The following KHDRBS2 variants were observed in gnomAD, a reference collection of about 807,000 sequenced individuals.
KHDRBS2 encodes the protein KH domain-containing, RNA-binding, signal transduction-associated protein 2.
In KHDRBS2, 26 loss-of-function variants were observed where a neutral mutation model predicts 44.3. The ratio of observed to expected loss-of-function variants is 0.59; its 90% CI spans 0.43 to 0.81. The LOEUF is 0.81. Among genes scored for constraint, KHDRBS2 ranks in the 40% least tolerant of loss-of-function variants. KHDRBS2 has a pLI of 0.00. For synonymous variants in KHDRBS2, 194 were observed against 151.1 expected, an observed-to-expected ratio of 1.28 and a Z score of -2.08; for missense variants, 476 against 433.1, an observed-to-expected ratio of 1.10 and a Z score of -0.88.
intron 2 of KHDRBS2, among the ~76,000 whole-genome samples, chr6:62,069,029 A>G (rs1794393193): frequency 6.6e-6 from 1 of 151,654 alleles, no homozygotes; most frequent in Admixed American, 6.6e-5. Context: ...GAAAAAAGAT[A>G]CTAGGGATTT....
chr6:61,597,771 T>TATATATATATATATATATATATAG, the KHDRBS2 span, among the ~76,000 whole-genome samples: 1 of 28,594 alleles, frequency 3.5e-5, no homozygotes, highest in African/African-American at 1.3e-4. Context: ...TATATATATA[T>TATATATATATATATATATATATAG]ATACACCAAG....
chr6:61,577,538 A>G, the KHDRBS2 span, among the ~76,000 whole-genome samples: 93,582 of 151,954 alleles, frequency 0.62, 29,043 homozygotes, highest in Middle Eastern at 0.65. Context: ...GTTGCTTAGA[A>G]GACTTTGAAC....
At chr6:62,239,966 T>A (rs1165928816) in intron 1 of KHDRBS2, among the ~76,000 whole-genome samples, 1 of 152,174 alleles carries the variant, frequency 6.6e-6, no homozygotes, top group Non-Finnish European at 1.5e-5. Context: ...ATTACAGGCA[T>A]GAGCCACAGT....
chr6:61,638,708 A>T, the KHDRBS2 span, among the ~76,000 whole-genome samples: 1 of 152,158 alleles, frequency 6.6e-6, no homozygotes, highest in Non-Finnish European at 1.5e-5. Flanking sequence ...AATTAGCATT[A>T]TTCTGGTAAA....
intron 2 of KHDRBS2, among the ~76,000 whole-genome samples, chr6:62,109,173 G>T (rs1177517940): frequency 2.0e-5 from 3 of 151,216 alleles, no homozygotes; most frequent in African/African-American, 7.3e-5. Flanking sequence ...ATGCAAAGTT[G>T]TTTACAATTT....
intron 5 of KHDRBS2, among the ~76,000 whole-genome samples, chr6:61,900,745 T>A (rs191938444): frequency 6.6e-6 from 1 of 152,204 alleles, no homozygotes; most frequent in South Asian, 2.1e-4. Flanking sequence ...ATCTATCTAC[T>A]TCCTTATCTG....
chr6:61,813,642 TA>T (rs1366061704), intron 6 of KHDRBS2, among the ~76,000 whole-genome samples: 1 of 152,196 alleles, frequency 6.6e-6, no homozygotes, highest in African/African-American at 2.4e-5. Context: ...TTCTGTTTTA[TA>T]AATTATAGTA....
chr6:61,568,215 C>T, the KHDRBS2 span, among the ~76,000 whole-genome samples: 1,509 of 152,150 alleles, frequency 9.9e-3, 20 homozygotes, highest in African/African-American at 0.034. Context: ...GTTTTTATGC[C>T]AGTACTTTGT....
intron 6 of KHDRBS2, among the ~76,000 whole-genome samples, chr6:61,778,185 A>T (rs1445790660): frequency 6.6e-6 from 1 of 152,190 alleles, no homozygotes; most frequent in Non-Finnish European, 1.5e-5. Context: ...ACAATGAGCA[A>T]ATACTAAAAT....
chr6:62,240,672 GTATA>G (rs4036655), intron 1 of KHDRBS2, among the ~76,000 whole-genome samples: 8,463 of 63,816 alleles, frequency 0.13, 577 homozygotes, highest in East Asian at 0.31. Flanking sequence ...ATGTGTGTGT[GTATA>G]TATATATATA....
intron 2 of KHDRBS2, among the ~76,000 whole-genome samples, chr6:62,071,779 C>T (rs1288220473): frequency 3.3e-5 from 5 of 152,292 alleles, no homozygotes; most frequent in South Asian, 4.1e-4. Flanking sequence ...TAGCGTGATG[C>T]CTCCAGCTTT....
chr6:61,790,990 G>A (rs981733524), intron 6 of KHDRBS2, among the ~76,000 whole-genome samples: 1 of 151,186 alleles, frequency 6.6e-6, no homozygotes, highest in Non-Finnish European at 1.5e-5. Context: ...AGCCAATTTT[G>A]TCATGTTATA....
intron 2 of KHDRBS2, among the ~76,000 whole-genome samples, chr6:62,137,931 T>C (rs1339400033): frequency 1.3e-5 from 2 of 152,344 alleles, no homozygotes; most frequent in East Asian, 3.9e-4. Context: ...GTGATCTTGA[T>C]ATCACATCAA....
intron 7 of KHDRBS2, among the ~76,000 whole-genome samples, chr6:61,717,671 G>A (rs781298173): frequency 1.3e-5 from 2 of 152,074 alleles, no homozygotes; most frequent in Non-Finnish European, 2.9e-5. Context: ...GATAACTGCA[G>A]TGTTTCACAC....
the KHDRBS2 span, among the ~76,000 whole-genome samples, chr6:61,566,013 G>C: frequency 3.2e-4 from 48 of 151,942 alleles, 1 homozygote; most frequent in South Asian, 9.8e-3. Flanking sequence ...GTGTGTGTGT[G>C]TGTGTGTGTG....
chr6:61,640,225 T>C, the KHDRBS2 span, among the ~76,000 whole-genome samples: 10 of 152,136 alleles, frequency 6.6e-5, no homozygotes, highest in Admixed American at 3.3e-4. Context: ...ATAATGTTGA[T>C]AATTATTGCA....
chr6:61,783,533 A>G (rs879426736), intron 6 of KHDRBS2, among the ~76,000 whole-genome samples: 4 of 152,158 alleles, frequency 2.6e-5, no homozygotes, highest in Non-Finnish European at 4.4e-5. Context: ...AAGATAAAAA[A>G]GACATAGCTC....
At chr6:61,873,678 G>T (rs1170165488) in intron 6 of KHDRBS2, among the ~76,000 whole-genome samples, 1 of 149,818 alleles carries the variant, frequency 6.7e-6, no homozygotes, top group African/African-American at 2.5e-5. Flanking sequence ...ATACAACAAA[G>T]TGGCTTTTTA....
intron 2 of KHDRBS2, among the ~76,000 whole-genome samples, chr6:62,101,711 T>C (rs1264583606): frequency 1.3e-5 from 2 of 152,140 alleles, no homozygotes; most frequent in Non-Finnish European, 2.9e-5. Flanking sequence ...GTAAAGGAAA[T>C]TAGAGAATGG....
Sources: allele counts gnomAD v4.1 joint callset (sites outside exome capture counted in the v4.1 genomes callset), GRCh38; gene constraint gnomAD v4.1.1; transcripts MANE v1.5; gene names NCBI Gene and HGNC (gene_info 2026-07-23, HGNC 2026-07-21).